Variants in PXDNL observed in about 807,000 individuals in gnomAD.
The protein encoded by PXDNL is probable oxidoreductase PXDNL.
Under a neutral mutation model 150.8 loss-of-function variants are expected in PXDNL, and 145 were observed. The ratio of observed to expected loss-of-function variants is 0.96; its 90% CI spans 0.84 to 1.10. The LOEUF (loss-of-function observed/expected upper bound fraction) is 1.10, where lower values mean the gene tolerates loss of function less well. PXDNL is among the 50% of genes least tolerant of loss of function. PXDNL has a pLI of 0.00. For missense variants in PXDNL, 2,087 were observed against 1,873.9 expected (o/e 1.11, Z -2.10); for synonymous variants, 757 against 725.7 (o/e 1.04, Z -0.69).
At chr8:51,714,136 T>C (rs188594605) in intron 1 of PXDNL, among the ~76,000 whole-genome samples, 362 of 152,328 alleles carry the variant, frequency 2.4e-3, no homozygotes, top group African/African-American at 8.2e-3. Flanking sequence ...AATTAAGTCA[T>C]CCCTAATGAT....
At chr8:51,511,509 G>T (rs1384965502) in intron 4 of PXDNL, among the ~76,000 whole-genome samples, 1 of 152,180 alleles carries the variant, frequency 6.6e-6, no homozygotes, top group Non-Finnish European at 1.5e-5. Context: ...TCAGCACGGG[G>T]ACTCTTACTT....
At chr8:51,536,116 C>T (rs1482083651) in intron 4 of PXDNL, among the ~76,000 whole-genome samples, 2 of 152,208 alleles carry the variant, frequency 1.3e-5, no homozygotes, top group South Asian at 2.1e-4. Context: ...TACACCCTCT[C>T]GGGACCTGAA....
At chr8:51,386,306 T>A (rs1322914907) in intron 17 of PXDNL, among the ~76,000 whole-genome samples, 1 of 152,082 alleles carries the variant, frequency 6.6e-6, no homozygotes, top group East Asian at 1.9e-4. Flanking sequence ...TCGGCCAGGC[T>A]GGTCTCGAAC....
chr8:51,746,262 T>C (rs1164239910), intron 1 of PXDNL, among the ~76,000 whole-genome samples: 2 of 152,206 alleles, frequency 1.3e-5, no homozygotes, highest in Non-Finnish European at 2.9e-5. Context: ...GAATCAGGTG[T>C]CAGTCTTCTC....
chr8:51,514,358 T>G (rs1055863399), intron 4 of PXDNL, among the ~76,000 whole-genome samples: 2 of 152,238 alleles, frequency 1.3e-5, no homozygotes, highest in Non-Finnish European at 2.9e-5. Flanking sequence ...TCCTTATTTC[T>G]TTCCTTTTAA....
intron 9 of PXDNL, among the ~76,000 whole-genome samples, chr8:51,457,126 AGTG>A (rs1809953573): frequency 6.6e-6 from 1 of 152,252 alleles, no homozygotes; most frequent in Admixed American, 6.5e-5. Context: ...CAGCTAGCTC[AGTG>A]GGCATTCAAT....
chr8:51,659,017 T>C (rs1336481317), intron 1 of PXDNL, among the ~76,000 whole-genome samples: 1 of 152,242 alleles, frequency 6.6e-6, no homozygotes, highest in Non-Finnish European at 1.5e-5. Context: ...TGCTAAATAT[T>C]TCACTCAAGA....
chr8:51,357,711 G>A (rs1806558168), intron 19 of PXDNL, among the ~76,000 whole-genome samples: 1 of 152,196 alleles, frequency 6.6e-6, no homozygotes, highest in Non-Finnish European at 1.5e-5. Flanking sequence ...GCCTAGGGAA[G>A]AAAGGATCCC....
chr8:51,483,014 G>A (rs546473876), intron 6 of PXDNL, among the ~76,000 whole-genome samples: 2 of 152,132 alleles, frequency 1.3e-5, no homozygotes, highest in Non-Finnish European at 2.9e-5. Context: ...GTTTGGGGTT[G>A]AGGATTAGTG....
intron 19 of PXDNL, among the ~76,000 whole-genome samples, chr8:51,351,917 C>G (rs182889313): frequency 1.1e-3 from 162 of 152,200 alleles, no homozygotes; most frequent in Non-Finnish European, 2.0e-3. Context: ...GAATCTTTCT[C>G]CCTCCATCTA....
intron 1 of PXDNL, among the ~76,000 whole-genome samples, chr8:51,705,845 G>T (rs895134045): frequency 1.3e-5 from 2 of 151,580 alleles, no homozygotes; most frequent in Admixed American, 1.3e-4. Context: ...GCGCGCGCGC[G>T]CGCGCGCGTG....
intron 4 of PXDNL, among the ~76,000 whole-genome samples, chr8:51,533,767 G>A (rs1315500596): frequency 9.4e-5 from 14 of 149,050 alleles, no homozygotes; most frequent in African/African-American, 3.3e-4. Flanking sequence ...GATTGCAGAC[G>A]GAGTCTCGTT....
chr8:51,447,357 C>T (rs1349998906), intron 11 of PXDNL, among the ~76,000 whole-genome samples, 195 bp from the exon 12 acceptor site: 1 of 152,086 alleles, frequency 6.6e-6, no homozygotes, highest in African/African-American at 2.4e-5. Context: ...GAAACTCTGC[C>T]ACTGTATCAT....
At chr8:51,329,574 T>G (rs1255361699) in intron 21 of PXDNL, among the ~76,000 whole-genome samples, 1 of 152,194 alleles carries the variant, frequency 6.6e-6, no homozygotes, top group African/African-American at 2.4e-5. Context: ...GAGACACAGA[T>G]GTTGAAATTA....
At chr8:51,414,290 A>G (rs1808735070) in intron 14 of PXDNL, among the ~76,000 whole-genome samples, 1 of 151,908 alleles carries the variant, frequency 6.6e-6, no homozygotes, top group African/African-American at 2.4e-5. Context: ...ATGGGCCCAT[A>G]TAGCATTCTC....
chr8:51,413,773 G>A (rs1808718285), intron 14 of PXDNL, among the ~76,000 whole-genome samples: 1 of 152,130 alleles, frequency 6.6e-6, no homozygotes, highest in South Asian at 2.1e-4. Context: ...GTTGAATCCT[G>A]TAGACAAAGG....
intron 1 of PXDNL, among the ~76,000 whole-genome samples, chr8:51,679,724 A>G (rs1343092743): frequency 6.6e-6 from 1 of 152,194 alleles, no homozygotes; most frequent in African/African-American, 2.4e-5. Flanking sequence ...AGTGTTGTGC[A>G]TGCTTTGTTA....
At chr8:51,443,518 T>C (rs1809603163) in intron 12 of PXDNL, among the ~76,000 whole-genome samples, 1 of 152,214 alleles carries the variant, frequency 6.6e-6, no homozygotes. Flanking sequence ...AGCTTTTATT[T>C]ACATGGCTTA....
At chr8:51,652,776 A>G (rs1331665412) in intron 2 of PXDNL, among the ~76,000 whole-genome samples, 1 of 152,238 alleles carries the variant, frequency 6.6e-6, no homozygotes, top group Non-Finnish European at 1.5e-5. Flanking sequence ...TGAGGCTTGC[A>G]ATTAACAACA....
Sources: allele counts gnomAD v4.1 joint callset (sites outside exome capture counted in the v4.1 genomes callset), GRCh38; gene constraint gnomAD v4.1.1; transcripts MANE v1.5; gene names NCBI Gene and HGNC (gene_info 2026-07-23, HGNC 2026-07-21).